DKK3: variants seen among roughly 807,000 people sequenced by gnomAD.
The protein encoded by DKK3 is dickkopf Wnt signaling pathway inhibitor 3.
Under a neutral mutation model 33.2 loss-of-function variants are expected in DKK3, and 22 were observed. The observed-to-expected ratio is 0.66, with a 90% CI of 0.47 to 0.95. DKK3 has a LOEUF of 0.95. DKK3 is among the 40% of genes least tolerant of loss of function. The pLI is 0.00. For missense variants in DKK3, 398 were observed against 458.4 expected, an observed-to-expected ratio of 0.87 and a Z score of 1.20; for synonymous variants, 194 against 188.8, an observed-to-expected ratio of 1.03 and a Z score of -0.23.
At chr11:11,996,934 G>A (rs1480221846) in intron 3 of DKK3, among the ~76,000 whole-genome samples, 2 of 152,228 alleles carry the variant, frequency 1.3e-5, no homozygotes, top group Admixed American at 1.3e-4. Context: ...ATGCATGCTT[G>A]GGAAAAGTGA....
At chr11:11,969,793 C>T (rs982548744) in intron 3 of DKK3, among the ~76,000 whole-genome samples, 11 of 152,224 alleles carry the variant, frequency 7.2e-5, no homozygotes, top group African/African-American at 2.4e-4. Context: ...ATCAACACTG[C>T]AAGTGCTGGC....
At chr11:11,974,048 G>T (rs1847780807) in intron 3 of DKK3, among the ~76,000 whole-genome samples, 1 of 152,250 alleles carries the variant, frequency 6.6e-6, no homozygotes, top group Non-Finnish European at 1.5e-5. Flanking sequence ...GGAAGAGGCT[G>T]CTGGGGATGG....
At chr11:11,990,279 C>T (rs1223326617) in intron 3 of DKK3, among the ~76,000 whole-genome samples, 2 of 152,236 alleles carry the variant, frequency 1.3e-5, no homozygotes, top group African/African-American at 2.4e-5. Context: ...CCGACACCAT[C>T]AACCTAATGA....
At chr11:11,986,056 T>C (rs2135055556) in intron 3 of DKK3, among the ~76,000 whole-genome samples, 1 of 152,242 alleles carries the variant, frequency 6.6e-6, no homozygotes, top group South Asian at 2.1e-4. Flanking sequence ...GCCTAAGTTC[T>C]GCTTGCCAGG....
intron 3 of DKK3, among the ~76,000 whole-genome samples, chr11:11,971,461 A>G (rs1159731332): frequency 1.3e-5 from 2 of 152,234 alleles, no homozygotes; most frequent in African/African-American, 4.8e-5. Flanking sequence ...TCATGGGCGC[A>G]CAATAAATAT....
At chr11:11,979,463 G>A (rs560014603) in intron 3 of DKK3, among the ~76,000 whole-genome samples, 21 of 152,348 alleles carry the variant, frequency 1.4e-4, no homozygotes, top group African/African-American at 4.6e-4. Flanking sequence ...CTCAGGAACT[G>A]AATCCGGATG....
chr11:11,980,289 T>C (rs1847928444), intron 3 of DKK3, among the ~76,000 whole-genome samples: 1 of 152,222 alleles, frequency 6.6e-6, no homozygotes, highest in South Asian at 2.1e-4. Context: ...GGTCAGAATT[T>C]AGTTAGCAAG....
At chr11:11,996,902 G>A (rs978285898) in intron 3 of DKK3, among the ~76,000 whole-genome samples, 1 of 152,262 alleles carries the variant, frequency 6.6e-6, no homozygotes, top group Non-Finnish European at 1.5e-5. Context: ...CTGAAGAAGA[G>A]TACACAGGGG....
At position 12,002,145 on chromosome 11, in the gene DKK3, T is replaced by C. The variant is rs139438257; in HGVS notation, c.351+155A>G. ...TACATTGTCTCTCCACTTTCAACAGTAACATTACTCCTTCTGGTTTTCAAT... is the reference window on the plus strand; with the variant it reads ...TACATTGTCTCTCCACTTTCAACAGCAACATTACTCCTTCTGGTTTTCAAT... On this transcript the variant is annotated intron_variant, in intron 2 of 6. Transcript: ENST00000683431. 3.4e-4 allele frequency: 279 copies of C among 823,704 alleles called. 1 individual carries two copies. The African/African-American group carries it at 4.2e-3, about 12-fold the overall frequency. The allele number at this position is 823,704 out of a possible 1,614,324, so 51.0% of individuals were successfully genotyped here.
intron 1 of DKK3, among the ~76,000 whole-genome samples, chr11:12,003,028 C>G (rs958204277): frequency 6.6e-6 from 1 of 152,222 alleles, no homozygotes; most frequent in Non-Finnish European, 1.5e-5. Context: ...GTAGAATCTA[C>G]GTAGTCTCCC....
intron 6 of DKK3, 66 bp from the exon 7 acceptor site, chr11:11,964,752 G>A (rs750821593): frequency 1.2e-5 from 19 of 1,554,428 alleles, no homozygotes; most frequent in Admixed American, 7.7e-5. Flanking sequence ...AAGCTAAGGC[G>A]CCCTGACTCT....
intron 2 of DKK3, among the ~76,000 whole-genome samples, chr11:12,001,366 C>A (rs1040214345): frequency 6.6e-6 from 1 of 152,212 alleles, no homozygotes; most frequent in Non-Finnish European, 1.5e-5. Flanking sequence ...ATAGTCAAGG[C>A]AACGGCACAT....
intron 3 of DKK3, among the ~76,000 whole-genome samples, chr11:11,976,365 C>T (rs1205914071): frequency 6.6e-5 from 10 of 152,346 alleles, no homozygotes; most frequent in Middle Eastern, 3.4e-3. Context: ...AGACACAATT[C>T]GATCACCCCT....
At chr11:11,975,117 T>C (rs933848346) in intron 3 of DKK3, among the ~76,000 whole-genome samples, 3 of 152,188 alleles carry the variant, frequency 2.0e-5, no homozygotes, top group Non-Finnish European at 2.9e-5. Flanking sequence ...ACAGAATAGA[T>C]TCCTGTTAAG....
At chr11:11,972,377 C>T (rs1223340736) in intron 3 of DKK3, among the ~76,000 whole-genome samples, 1 of 152,228 alleles carries the variant, frequency 6.6e-6, no homozygotes, top group African/African-American at 2.4e-5. Context: ...ACATCTCTGT[C>T]CTGGTCAGCA....
chr11:12,006,844 T>C (rs926260224), intron 1 of DKK3, among the ~76,000 whole-genome samples: 4 of 152,168 alleles, frequency 2.6e-5, no homozygotes, highest in Admixed American at 2.6e-4. Context: ...TAGTCAGTCT[T>C]ACCGGGAATC....
chr11:12,001,219 G>A (rs1275033007), intron 2 of DKK3, among the ~76,000 whole-genome samples: 11 of 152,274 alleles, frequency 7.2e-5, no homozygotes, highest in Admixed American at 3.3e-4. Flanking sequence ...TTCTTCAGTC[G>A]CAGATGAGCA....
rs1438522238 is a variant in DKK3 at position 12,000,185 on chromosome 11, TTTGTTTGTTTG to T, written c.352-1417_352-1407del. 5.9e-4 allele frequency among the ~76,000 whole-genome samples: 5 copies of T among 8,406 alleles called. No homozygotes were observed. The African/African-American group carries it at 7.6e-3, about 13-fold the overall frequency. The allele number at this position is 8,406 out of a possible 152,430, so 5.5% of individuals were successfully genotyped here. A position where few individuals can be genotyped will look rare whatever the true frequency, so the allele number is the denominator to read the frequency against. Reference sequence around the variant, plus strand: ...CATTGCATAAGACTAGTGTTTTTTGTTTGTTTGTTTGTTTGTTTGTTTGTTTGTTTGTCTTT... The same window carrying T: ...CATTGCATAAGACTAGTGTTTTTTGTTTTGTTTGTTTGTTTGTTTGTCTTT... On this transcript the variant is annotated intron_variant, in intron 2 of 6. Coordinates refer to ENST00000683431, the MANE Select transcript of DKK3 (RefSeq NM_001018057.2).
rs373832403 is a variant in DKK3 at position 11,965,906 on chromosome 11, C to T, written c.733G>A (p.Ala245Thr). ...GTGATGAGGTCCAGAAGCCGGCTGG[C>T]GGGGTCATGGCAAAGCTCGCCCTCC... Reference protein sequence around the residue: ...PVEGELCHDPASRLLDLITWE... With the variant: ...PVEGELCHDPTSRLLDLITWE... Residue 245 changes from alanine to threonine, a missense_variant, in exon 6 of 7, where the codon GCC (alanine) becomes ACC (threonine). Physicochemically the swap from Ala to Thr is moderately conservative, Grantham distance 58 (BLOSUM62 0). Coordinates refer to ENST00000683431, the MANE Select transcript of DKK3 (RefSeq NM_001018057.2). 1.4e-5 allele frequency: 22 copies of T among 1,614,036 alleles called. No homozygotes were observed. Among genetic ancestry groups the T allele is most frequent in the African/African-American group, 1.3e-4 (10 of 75,060 alleles).
Sources: gnomAD v4.1 joint callset for allele counts (sites outside exome capture counted in the v4.1 genomes callset) on GRCh38, gnomAD v4.1.1 for gene constraint, MANE v1.5 for transcripts, NCBI Gene and HGNC (gene_info 2026-07-23, HGNC 2026-07-21) for gene names.